SPATA17: variants seen among roughly 807,000 people sequenced by gnomAD.
SPATA17 encodes the protein spermatogenesis-associated protein 17.
SPATA17 carries 53 observed loss-of-function variants against 62.2 expected under a neutral mutation model. That is an observed-to-expected ratio of 0.85 (90% CI 0.68 to 1.07). The LOEUF (loss-of-function observed/expected upper bound fraction) is 1.07. Ranked by LOEUF, SPATA17 falls within the 50% of genes least tolerant of loss-of-function variation. SPATA17 has a pLI of 0.00. For synonymous variants in SPATA17, 146 were observed against 146.8 expected (o/e 0.99, Z 0.04); for missense variants, 466 against 425.5 (o/e 1.10, Z -0.84).
intron 5 of SPATA17, among the ~76,000 whole-genome samples, chr1:217,741,129 T>C (rs1457623510): frequency 1.3e-5 from 2 of 152,196 alleles, no homozygotes; most frequent in Non-Finnish European, 2.9e-5. Flanking sequence ...AACTAGACAC[T>C]AAGTTACTTA....
intron 5 of SPATA17, among the ~76,000 whole-genome samples, chr1:217,695,150 C>T (rs1671427310): frequency 1.4e-5 from 1 of 70,462 alleles, no homozygotes; most frequent in Non-Finnish European, 2.6e-5. Context: ...TAGATTTGGT[C>T]TTTTCACATA....
At chr1:217,767,388 G>T (rs1414307585) in intron 6 of SPATA17, among the ~76,000 whole-genome samples, 1 of 151,368 alleles carries the variant, frequency 6.6e-6, no homozygotes, top group African/African-American at 2.4e-5. Flanking sequence ...AGCTTTCTGG[G>T]TCTGTGATTT....
chr1:217,664,109 C>T (rs185596996), intron 3 of SPATA17, among the ~76,000 whole-genome samples: 59 of 151,888 alleles, frequency 3.9e-4, no homozygotes, highest in Non-Finnish European at 7.1e-4. Context: ...AAGTTGACAA[C>T]GTCTGGAGCA....
chr1:217,672,611 A>G (rs565272995), intron 4 of SPATA17, among the ~76,000 whole-genome samples: 3 of 151,958 alleles, frequency 2.0e-5, no homozygotes, highest in Non-Finnish European at 2.9e-5. Flanking sequence ...TCCATCCCTA[A>G]ATAGATATCA....
intron 9 of SPATA17, among the ~76,000 whole-genome samples, chr1:217,806,906 C>CA (rs1674448186): frequency 6.6e-6 from 1 of 152,074 alleles, no homozygotes; most frequent in South Asian, 2.1e-4. Flanking sequence ...CAGGCTATAC[C>CA]ATGTAACATA....
intron 6 of SPATA17, among the ~76,000 whole-genome samples, chr1:217,742,949 AATAT>A (rs10559433): frequency 9.6e-5 from 14 of 145,978 alleles, no homozygotes; most frequent in Non-Finnish European, 1.1e-4. Flanking sequence ...TCCAAATTAA[AATAT>A]ATATATATAT....
chr1:217,729,299 T>C (rs1202546939), intron 5 of SPATA17, among the ~76,000 whole-genome samples: 1 of 152,216 alleles, frequency 6.6e-6, no homozygotes, highest in East Asian at 1.9e-4. Context: ...TTTTTCATAC[T>C]ATGGTGTCCC....
At chr1:217,654,837 C>G (rs529850626) in intron 3 of SPATA17, among the ~76,000 whole-genome samples, 1 of 151,866 alleles carries the variant, frequency 6.6e-6, no homozygotes, top group African/African-American at 2.4e-5. Context: ...CTCAGCCTCC[C>G]GAGTAGCTGG....
intron 9 of SPATA17, among the ~76,000 whole-genome samples, chr1:217,815,801 A>G (rs371133714): frequency 6.6e-6 from 1 of 152,170 alleles, no homozygotes; most frequent in South Asian, 2.1e-4. Flanking sequence ...TTTTCGGTTT[A>G]CTGGAGTGGA....
chr1:217,696,146 T>C (rs944856144), intron 5 of SPATA17, among the ~76,000 whole-genome samples: 14 of 152,308 alleles, frequency 9.2e-5, no homozygotes, highest in South Asian at 2.1e-4. Context: ...ATCAGCGAGA[T>C]TCCGTGGGCG....
At chr1:217,767,829 T>G (rs148397881) in intron 6 of SPATA17, among the ~76,000 whole-genome samples, 1 of 152,214 alleles carries the variant, frequency 6.6e-6, no homozygotes, top group Non-Finnish European at 1.5e-5. Context: ...ATTCCTGCCA[T>G]ATCCGAGACT....
chr1:217,688,079 G>A (rs185700989), intron 5 of SPATA17, among the ~76,000 whole-genome samples: 103 of 152,004 alleles, frequency 6.8e-4, no homozygotes, highest in Non-Finnish European at 1.3e-3. Flanking sequence ...TTTTAAAACC[G>A]GAGGGCCAGG....
intron 6 of SPATA17, among the ~76,000 whole-genome samples, chr1:217,773,854 C>T (rs554382917): frequency 3.3e-5 from 5 of 152,090 alleles, no homozygotes; most frequent in East Asian, 3.9e-4. Context: ...CCTTAGTTTA[C>T]GTAATGAATA....
intron 1 of SPATA17, among the ~76,000 whole-genome samples, chr1:217,641,132 T>C (rs1243143061): frequency 3.3e-5 from 5 of 152,102 alleles, no homozygotes. Context: ...ATTTAACTAG[T>C]ACAAAACTTG....
intron 9 of SPATA17, among the ~76,000 whole-genome samples, chr1:217,833,911 G>T (rs1675202227): frequency 6.6e-6 from 1 of 152,206 alleles, no homozygotes; most frequent in East Asian, 1.9e-4. Context: ...CAGTGTTTTT[G>T]CTCTAATGGC....
intron 7 of SPATA17, among the ~76,000 whole-genome samples, chr1:217,776,614 G>T (rs1022212583): frequency 2.0e-5 from 3 of 150,432 alleles, no homozygotes; most frequent in South Asian, 2.1e-4. Flanking sequence ...TGAGGTGGGA[G>T]GATCACTTGA....
Position 217,702,030 on chromosome 1 carries a change from G to GTA in SPATA17, c.395+18670_395+18671insAT, listed in dbSNP as rs1436496491. On this transcript the variant is annotated intron_variant, in intron 5 of 10. Transcript: ENST00000366933. ...ACTTAGAGGCAATCACTAAAATTTG[G>GTA]TGTATATATATATATATATATGCAG... Among the ~76,000 whole-genome samples, 182 of 109,544 alleles carry GTA rather than the reference G, an allele frequency of 1.7e-3. 1 individual carries two copies. Among genetic ancestry groups the GTA allele is most frequent in the Middle Eastern group, 5.2e-3 (1 of 192 alleles). 71.9% of individuals were successfully genotyped at this position (109,544 alleles called of 152,430 possible).
intron 1 of SPATA17, among the ~76,000 whole-genome samples, chr1:217,641,919 C>T (rs572524156): frequency 6.6e-4 from 100 of 152,244 alleles, no homozygotes; most frequent in African/African-American, 2.3e-3. Context: ...TGTCTTGTCT[C>T]TTTAGTTATC....
intron 9 of SPATA17, among the ~76,000 whole-genome samples, chr1:217,829,364 A>G (rs576331727): frequency 6.6e-6 from 1 of 152,202 alleles, no homozygotes; most frequent in African/African-American, 2.4e-5. Flanking sequence ...ATGGTGGTTC[A>G]CGCCTGTAAT....
Sources: gnomAD v4.1 joint callset for allele counts (sites outside exome capture counted in the v4.1 genomes callset) on GRCh38, gnomAD v4.1.1 for gene constraint, MANE v1.5 for transcripts, NCBI Gene and HGNC (gene_info 2026-07-23, HGNC 2026-07-21) for gene names.